GRM4: variants seen among roughly 807,000 people sequenced by gnomAD.
GRM4 encodes metabotropic glutamate receptor 4.
Under a neutral mutation model 81.7 loss-of-function variants are expected in GRM4, and 28 were observed. The ratio of observed to expected loss-of-function variants is 0.34; its 90% CI spans 0.25 to 0.47. The LOEUF is 0.47. GRM4 is among the 20% of genes least tolerant of loss of function. GRM4 has a pLI of 1.00. For missense variants in GRM4, 948 were observed against 1,290.0 expected (o/e 0.73, Z 4.06); for synonymous variants, 488 against 528.8 (o/e 0.92, Z 1.06).
rs574651247 is a variant in GRM4 at position 34,120,375 on chromosome 6, C to A, written c.519+12603G>T. 1.3e-4 allele frequency among the ~76,000 whole-genome samples: 20 copies of A among 152,212 alleles called. No homozygotes were observed. In the South Asian group the frequency reaches 1.5e-3, roughly 11 times the overall value. On this transcript the variant is annotated intron_variant, in intron 2 of 10. Coordinates refer to ENST00000538487, the MANE Select transcript of GRM4 (RefSeq NM_000841.4). The stretch of plus-strand genomic sequence containing the variant: ...CCAGGTCCTGTGGGGGTGAGGGAGG[C>A]AAGGAAGGCAGGTGAGGGCTCCTGG...
At chr6:34,105,260 C>T (rs78650232) in intron 2 of GRM4, among the ~76,000 whole-genome samples, 1,739 of 152,286 alleles carry the variant, frequency 0.011, 10 homozygotes, top group Non-Finnish European at 0.019. Flanking sequence ...AGGAGGCCCC[C>T]CTGGGGCTCT....
rs1767425153 is a variant in GRM4 at position 34,078,393 on chromosome 6, C to T, written c.736+13490G>A. Among the ~76,000 whole-genome samples, 1 of 152,138 alleles carries T rather than the reference C, an allele frequency of 6.6e-6. No homozygotes were observed. Among genetic ancestry groups the T allele is most frequent in the African/African-American group, 2.4e-5 (1 of 41,414 alleles). On this transcript the variant is annotated intron_variant, in intron 3 of 10. Coordinates refer to ENST00000538487, the MANE Select transcript of GRM4 (RefSeq NM_000841.4). The surrounding 1 kb of genome is among the most constrained non-coding windows in gnomAD (Gnocchi z 4.8). ...GTCTCCTGAGCTCCTTCCAGTCCAC[C>T]CAGGTCCTAGGTATGATGACCATTT...
In GRM4 at chr6:34,133,870, GA is replaced by G; in HGVS notation, c.-363-12del. Reference sequence around the variant, plus strand: ...TCTCCTCCTACCAACCTTAGAAGGGGAAGAGAGAGAGAGAATATCAAACAGA... The same window carrying G: ...TCTCCTCCTACCAACCTTAGAAGGGGAGAGAGAGAGAGAATATCAAACAGA... On this transcript the variant is annotated splice_polypyrimidine_tract_variant and intron_variant, in intron 1 of 10. Transcript: ENST00000538487. This position sits in a 1 kb window ranked among gnomAD's most constrained non-coding sequence, Gnocchi z 6.5. 2 of 1,037,722 alleles carry G rather than the reference GA, an allele frequency of 1.9e-6. No homozygotes were observed. Among genetic ancestry groups the G allele is most frequent in the Non-Finnish European group, 2.3e-6 (2 of 863,056 alleles). 64.3% of individuals were successfully genotyped at this position (1,037,722 alleles called of 1,614,324 possible).
intron 2 of GRM4, among the ~76,000 whole-genome samples, chr6:34,128,297 G>T (rs1770099185): frequency 1.3e-5 from 2 of 151,982 alleles, no homozygotes; most frequent in African/African-American, 4.8e-5. Flanking sequence ...TACAAGCTGT[G>T]CTGTGACATT....
At chr6:34,032,045 T>C (rs1443854820) in intron 9 of GRM4, among the ~76,000 whole-genome samples, 1 of 148,842 alleles carries the variant, frequency 6.7e-6, no homozygotes, top group Non-Finnish European at 1.5e-5. Flanking sequence ...ACAAATGTAC[T>C]CACACATCTA....
intron 2 of GRM4, among the ~76,000 whole-genome samples, chr6:34,095,638 C>T (rs1768479156): frequency 6.6e-6 from 1 of 152,204 alleles, no homozygotes; most frequent in South Asian, 2.1e-4. Context: ...CCCGCTAAAC[C>T]TCCTCTGGCA....
At position 34,102,007 on chromosome 6, in the gene GRM4, C is replaced by A. The variant is rs758903955; in HGVS notation, c.520-9908G>T. ...CCCTAGTGGCCAGGTCAGGGCCTCT[C>A]ACCAGGATCCTTACCTGTCCTCCAC... On this transcript the variant is annotated intron_variant, in intron 2 of 10. Transcript: ENST00000538487. 2.0e-6 allele frequency: 3 copies of A among 1,535,450 alleles called. No individual in the cohort carries two copies. In the South Asian group the frequency reaches 3.6e-5, roughly 18 times the overall value.
intron 2 of GRM4, chr6:34,100,109 T>C: frequency 1.1e-6 from 1 of 912,620 alleles, no homozygotes. Flanking sequence ...CATGTGCCCC[T>C]GTCTGGCCCT....
chr6:34,151,507 C>G (rs549858269), intron 1 of GRM4, among the ~76,000 whole-genome samples: 2 of 152,176 alleles, frequency 1.3e-5, no homozygotes, highest in Non-Finnish European at 2.9e-5. Context: ...CATTTAAAAG[C>G]CCCTTCCGCC....
At chr6:34,041,212 C>G (rs1367524721) in intron 6 of GRM4, among the ~76,000 whole-genome samples, 2 of 152,200 alleles carry the variant, frequency 1.3e-5, no homozygotes. Flanking sequence ...TAAAGCCACT[C>G]ACCCATGGGC....
intron 6 of GRM4, among the ~76,000 whole-genome samples, chr6:34,045,770 G>A (rs76298142): frequency 0.014 from 2,073 of 152,302 alleles, 27 homozygotes; most frequent in Middle Eastern, 0.041. Flanking sequence ...CAGGGGCACC[G>A]CAGTTCTGGG....
chr6:34,071,507 C>G (rs1399240040), intron 3 of GRM4, among the ~76,000 whole-genome samples: 2 of 94,118 alleles, frequency 2.1e-5, no homozygotes, highest in Non-Finnish European at 4.1e-5. Flanking sequence ...CACATACACA[C>G]CACACATACC....
intron 6 of GRM4, among the ~76,000 whole-genome samples, chr6:34,051,682 G>T (rs574931845): frequency 1.5e-4 from 23 of 152,312 alleles, no homozygotes; most frequent in African/African-American, 4.8e-4. Flanking sequence ...CCGTAGGCTT[G>T]ACAGCTGCAG....
At chr6:34,060,287 A>C (rs1766115719) in intron 4 of GRM4, 1 of 152,168 alleles carries the variant, frequency 6.6e-6, no homozygotes, top group South Asian at 2.1e-4. Context: ...GGCTGCTCTC[A>C]GAACCCACAC....
chr6:34,031,749 C>G (rs547315318), intron 9 of GRM4, among the ~76,000 whole-genome samples: 1 of 152,322 alleles, frequency 6.6e-6, no homozygotes, highest in African/African-American at 2.4e-5. Flanking sequence ...GGAAATCCAG[C>G]CGCCTGCTCA....
In GRM4 at chr6:34,117,789, TC is replaced by T. The variant is rs1252495826; in HGVS notation, c.519+15188del. Among the ~76,000 whole-genome samples, 3 of 152,192 alleles carry T rather than the reference TC, an allele frequency of 2.0e-5. No individual in the cohort carries two copies. In the East Asian group the frequency reaches 5.8e-4, roughly 29 times the overall value. On this transcript the variant is annotated intron_variant, in intron 2 of 10. Coordinates refer to ENST00000538487, the MANE Select transcript of GRM4 (RefSeq NM_000841.4). ...TTAGGAAGGGCCTCCCACCTCCTGC[TC>T]CTCACCACCCAGCACCCAAGGCTGC...
Position 34,061,875 on chromosome 6 carries a change from G to C in GRM4, c.872+18C>G, listed in dbSNP as rs1477829170. 6.2e-7 allele frequency: 1 copy of C among 1,603,078 alleles called. No individual in the cohort carries two copies. Among genetic ancestry groups the C allele is most frequent in the African/African-American group, 1.3e-5 (1 of 74,826 alleles). ...CTGCATGGCTCCCGGTGCCCACCCT[G>C]CTGCCACCTGCCCTCACCTGATGTC... On this transcript the variant is annotated intron_variant, in intron 4 of 10. Coordinates refer to ENST00000538487, the MANE Select transcript of GRM4 (RefSeq NM_000841.4).
At chr6:34,031,542 C>T (rs112912093) in intron 9 of GRM4, among the ~76,000 whole-genome samples, 1 of 152,150 alleles carries the variant, frequency 6.6e-6, no homozygotes, top group African/African-American at 2.4e-5. Flanking sequence ...GTGCTTCTGC[C>T]GGCTGACCCT....
intron 5 of GRM4, among the ~76,000 whole-genome samples, chr6:34,057,332 T>G (rs899910119): frequency 6.6e-6 from 1 of 152,138 alleles, no homozygotes; most frequent in African/African-American, 2.4e-5. Flanking sequence ...TGAGCTGCTC[T>G]GTATGGGCCA....
Sources: allele counts gnomAD v4.1 joint callset (sites outside exome capture counted in the v4.1 genomes callset), GRCh38; gene constraint gnomAD v4.1.1; non-coding constraint Gnocchi (gnomAD v3.1); transcripts MANE v1.5; gene names NCBI Gene and HGNC (gene_info 2026-07-23, HGNC 2026-07-21).